ARMC9: variants seen among roughly 807,000 people sequenced by gnomAD.
ARMC9 encodes the protein armadillo repeat containing 9.
ARMC9 carries 94 observed loss-of-function variants against 107.0 expected under a neutral mutation model. The ratio of observed to expected loss-of-function variants is 0.88; its 90% CI spans 0.74 to 1.04. The LOEUF (loss-of-function observed/expected upper bound fraction) is 1.04, where lower values mean the gene tolerates loss of function less well. Ranked by LOEUF, ARMC9 falls within the 50% of genes least tolerant of loss-of-function variation. The pLI is 0.00. For missense variants in ARMC9, 942 were observed against 1,030.1 expected (o/e 0.91, Z 1.17); for synonymous variants, 380 against 396.9 (o/e 0.96, Z 0.51).
At chr2:231,270,608 G>A (rs577505153) in intron 12 of ARMC9, 85 of 479,596 alleles carry the variant, frequency 1.8e-4, no homozygotes, top group African/African-American at 1.5e-3. Context: ...TTTTTTAACA[G>A]TCCATTTATT....
intron 16 of ARMC9, among the ~76,000 whole-genome samples, chr2:231,280,683 A>G (rs1475957923): frequency 6.6e-6 from 1 of 152,216 alleles, no homozygotes; most frequent in Admixed American, 6.5e-5. Flanking sequence ...TGCCATAATC[A>G]AAGTCAAAAG....
intron 8 of ARMC9, among the ~76,000 whole-genome samples, chr2:231,238,320 A>G (rs2035962891): frequency 6.6e-6 from 1 of 152,136 alleles, no homozygotes; most frequent in Non-Finnish European, 1.5e-5. Context: ...ATAGAAAGAA[A>G]GGTTAAAAAT....
intron 17 of ARMC9, among the ~76,000 whole-genome samples, chr2:231,290,533 C>G (rs2125470045): frequency 6.6e-6 from 1 of 152,308 alleles, no homozygotes; most frequent in East Asian, 1.9e-4. Flanking sequence ...GCACTTTCCC[C>G]TCACAGTGGT....
chr2:231,262,273 A>T (rs751621485), intron 11 of ARMC9, 33 bp from the exon 12 acceptor site: 9 of 1,599,504 alleles, frequency 5.6e-6, no homozygotes, highest in Non-Finnish European at 7.7e-6. Context: ...GATAAGACTT[A>T]GGTCTCACTA....
intron 17 of ARMC9, chr2:231,288,634 GCTTT>G (rs1377545741): frequency 6.4e-6 from 3 of 471,090 alleles, no homozygotes; most frequent in Admixed American, 2.3e-5. Context: ...TGGAAGAGAT[GCTTT>G]CTCTCATTTA....
chr2:231,325,765 C>T (rs2043279314), intron 19 of ARMC9, among the ~76,000 whole-genome samples: 1 of 152,182 alleles, frequency 6.6e-6, no homozygotes, highest in African/African-American at 2.4e-5. Context: ...GTAACCGTCC[C>T]AGAGTTGACT....
intron 19 of ARMC9, among the ~76,000 whole-genome samples, chr2:231,304,487 C>T (rs1294917452): frequency 6.6e-6 from 1 of 152,222 alleles, no homozygotes; most frequent in Non-Finnish European, 1.5e-5. Context: ...ACCTCCGCCT[C>T]CTGGGTTCAA....
intron 19 of ARMC9, among the ~76,000 whole-genome samples, chr2:231,324,493 T>C (rs2043200632): frequency 6.7e-6 from 1 of 149,148 alleles, no homozygotes; most frequent in Non-Finnish European, 1.5e-5. Flanking sequence ...GGCTCACGCC[T>C]GTAATCCCAG....
intron 19 of ARMC9, among the ~76,000 whole-genome samples, chr2:231,313,274 A>G (rs1559447323): frequency 6.6e-6 from 1 of 152,234 alleles, no homozygotes; most frequent in Non-Finnish European, 1.5e-5. Flanking sequence ...TCCAATATTA[A>G]TATAGCCACT....
intron 17 of ARMC9, among the ~76,000 whole-genome samples, chr2:231,284,190 A>G (rs910768109): frequency 3.3e-5 from 5 of 152,214 alleles, no homozygotes; most frequent in Admixed American, 1.3e-4. Flanking sequence ...AGTTGCCTAC[A>G]GTATTCAACA....
At position 231,232,392 on chromosome 2, in the gene ARMC9, T is replaced by C. The variant is rs1390602574; in HGVS notation, c.623-2832T>C. On this transcript the variant is annotated intron_variant, in intron 7 of 24. Coordinates refer to ENST00000611582, the MANE Select transcript of ARMC9 (RefSeq NM_001352754.2). ...CCCTAATGTTTAAGGAGAATCTTGA[T>C]AAATGATTTTCAGGGCCATTCTCAG... Among the ~76,000 whole-genome samples the C allele has an allele frequency of 2.0e-5, 3 of 152,116 alleles. No individual in the cohort carries two copies. In the East Asian group the frequency reaches 5.8e-4, roughly 29 times the overall value.
In ARMC9 at chr2:231,222,599, C is replaced by T. The variant is rs1040441520; in HGVS notation, c.505-129C>T. On this transcript the variant is annotated intron_variant, in intron 5 of 24. Coordinates refer to ENST00000611582, the MANE Select transcript of ARMC9 (RefSeq NM_001352754.2). ...TCCTAAGACCTGTTTTTCACAGCCTCACGTCACTGGCATTTTGGTTTTGGT... is the reference window on the plus strand; with the variant it reads ...TCCTAAGACCTGTTTTTCACAGCCTTACGTCACTGGCATTTTGGTTTTGGT... 8.7e-5 allele frequency: 45 copies of T among 519,464 alleles called. 1 individual carries two copies. Among genetic ancestry groups the T allele is most frequent in the Non-Finnish European group, 1.3e-4 (39 of 290,082 alleles). 32.2% of individuals were successfully genotyped at this position (519,464 alleles called of 1,614,324 possible). A position where few individuals can be genotyped will look rare whatever the true frequency, so the allele number is the denominator to read the frequency against.
intron 17 of ARMC9, among the ~76,000 whole-genome samples, chr2:231,282,630 A>T (rs1260244173): frequency 6.6e-6 from 1 of 152,366 alleles, no homozygotes; most frequent in East Asian, 1.9e-4. Flanking sequence ...AACCAGATTA[A>T]CAGTGTATTA....
intron 16 of ARMC9, 61 bp from the exon 17 acceptor site, chr2:231,281,998 A>G: frequency 6.7e-7 from 1 of 1,499,460 alleles, no homozygotes; most frequent in Non-Finnish European, 9.3e-7. Context: ...GTGGTGTTTG[A>G]TATAGAGTTG....
At chr2:231,251,259 C>T (rs183016463) in intron 9 of ARMC9, among the ~76,000 whole-genome samples, 7 of 152,142 alleles carry the variant, frequency 4.6e-5, no homozygotes, top group Admixed American at 2.6e-4. Flanking sequence ...CTCCGCCTCC[C>T]GGATTCAAGC....
intron 8 of ARMC9, among the ~76,000 whole-genome samples, chr2:231,238,074 C>A (rs1173916680): frequency 6.6e-6 from 1 of 151,768 alleles, no homozygotes; most frequent in Admixed American, 6.6e-5. Context: ...CATGGAGGAA[C>A]GCAGGTGGAA....
At chr2:231,315,256 A>T (rs1176390889) in intron 19 of ARMC9, among the ~76,000 whole-genome samples, 2 of 142,566 alleles carry the variant, frequency 1.4e-5, no homozygotes, top group Admixed American at 7.1e-5. Context: ...AAAAAAAAAA[A>T]TGCTGGACGC....
At chr2:231,203,685 C>T (rs111859497) in intron 1 of ARMC9, among the ~76,000 whole-genome samples, 2,751 of 152,104 alleles carry the variant, frequency 0.018, 89 homozygotes, top group African/African-American at 0.064. Flanking sequence ...CAAGGCTGGG[C>T]GTGGTGGCTC....
chr2:231,313,136 G>T (rs1189840506), intron 19 of ARMC9, among the ~76,000 whole-genome samples: 1 of 152,006 alleles, frequency 6.6e-6, no homozygotes, highest in Non-Finnish European at 1.5e-5. Context: ...TCAGTTTTGG[G>T]TTCATCTATT....
Sources: allele counts gnomAD v4.1 joint callset (sites outside exome capture counted in the v4.1 genomes callset), GRCh38; gene constraint gnomAD v4.1.1; transcripts MANE v1.5; gene names NCBI Gene and HGNC (gene_info 2026-07-23, HGNC 2026-07-21).